The following TTN variants were observed in gnomAD, a reference collection of about 807,000 sequenced individuals.
The protein encoded by TTN is titin, also known as connectin.
In TTN, 1,525 loss-of-function variants were observed where a neutral mutation model predicts 3,223.0. The ratio of observed to expected loss-of-function variants is 0.47; its 90% CI spans 0.45 to 0.49. The LOEUF is 0.49. TTN is among the 20% of genes least tolerant of loss of function. The pLI is 0.00. For missense variants in TTN, 40,786 were observed against 43,424.0 expected, an observed-to-expected ratio of 0.94 and a Z score of 5.40; for synonymous variants, 14,094 against 15,161.0, an observed-to-expected ratio of 0.93 and a Z score of 5.17.
Position 178,693,428 on chromosome 2 carries a change from T to G in TTN, c.31594+181A>C, listed in dbSNP as rs868155077. ...AATGGAGCCTCCCATAATTTTCACT[T>G]TTTTCCCCCTGTGCCTTCCTCATGG... On this transcript the variant is annotated intron_variant, in intron 119 of 362. Coordinates refer to ENST00000589042, the MANE Select transcript of TTN (RefSeq NM_001267550.2). Among the ~76,000 whole-genome samples, 16 of 152,216 alleles carry G rather than the reference T, an allele frequency of 1.1e-4. No individual in the cohort carries two copies. The South Asian group carries it at 2.5e-3, about 24-fold the overall frequency.
At position 178,539,119 on chromosome 2, in the gene TTN, G is replaced by C; in HGVS notation, c.98816C>G (p.Thr32939Arg). ...VTGYYIERKE[T>R]STDKWVRHNK... ...GTGTCTGACCCACTTGTCAGTGGAT[G>C]TCTCTTTGCGTTCGATGTAGTAGCC... Residue 32939 changes from threonine to arginine, a missense_variant, in exon 353 of 363, where the codon ACA (threonine) becomes AGA (arginine). By Grantham distance (71) the Thr-to-Arg change is moderately conservative. Transcript: ENST00000589042. 6.2e-7 allele frequency: 1 copy of C among 1,613,808 alleles called. No individual in the cohort carries two copies. The highest frequency in any genetic ancestry group is 8.5e-7 in the Non-Finnish European group (1 of 1,179,750).
At chr2:178,752,468 GTATA>G (rs887840514) in intron 47 of TTN, among the ~76,000 whole-genome samples, 4 of 152,096 alleles carry the variant, frequency 2.6e-5, no homozygotes, top group African/African-American at 9.6e-5. Context: ...TATTTAAAGA[GTATA>G]TACAAGAACT....
At chr2:178,585,553 C>T (rs958212021) in intron 308 of TTN, among the ~76,000 whole-genome samples, 1 of 151,956 alleles carries the variant, frequency 6.6e-6, no homozygotes, top group African/African-American at 2.4e-5. Flanking sequence ...ATCAACACAT[C>T]GTCTACATTA....
Position 178,732,047 on chromosome 2 carries a change from A to G in TTN, c.16903+19T>C. ...TGGGCCATAACTTTGGCAACACAAG[A>G]GGCAAAGTGAACACAAACCTTTGAC... On this transcript the variant is annotated intron_variant, in intron 57 of 362. Transcript: ENST00000589042. 2.5e-6 allele frequency: 4 copies of G among 1,591,398 alleles called. No individual in the cohort carries two copies. The highest frequency in any genetic ancestry group is 2.6e-6 in the Non-Finnish European group (3 of 1,166,212).
At position 178,621,122 on chromosome 2, in the gene TTN, G is replaced by T; in HGVS notation, c.45596C>A (p.Ala15199Glu). The T allele has an allele frequency of 1.9e-6, 3 of 1,612,450 alleles. No individual in the cohort carries two copies. The highest frequency in any genetic ancestry group is 2.5e-6 in the Non-Finnish European group (3 of 1,179,216). ...YVVMVGAARA[A>E]AHLTVIEKLR... is the part of the protein sequence containing the mutation. The stretch of plus-strand genomic sequence containing the variant: ...CTTACCAATGACTGTCAAGTGAGCT[G>T]CTGCTCTGGCGGCCCCTACCATGAC... The change falls in exon 246 of 363, where the codon GCA (alanine) becomes GAA (glutamate). Residue 15199 changes from alanine to glutamate, a missense_variant. Physicochemically the swap from Ala to Glu is moderately radical, Grantham distance 107 (BLOSUM62 -1). Transcript: ENST00000589042.
At position 178,591,049 on chromosome 2, in the gene TTN, T is replaced by G; in HGVS notation, c.60676A>C (p.Ser20226Arg). 6.2e-7 allele frequency: 1 copy of G among 1,613,472 alleles called. No individual in the cohort carries two copies. ...GGGATTTTCAGCTTTGTCTTACTGC[T>G]TCCGGAAGAGACAACACCCCACGTG... is the stretch of plus-strand genomic sequence containing the variant. ...KDTWGVVSSG[S>R]SKTKLKIPHL... The change falls in exon 304 of 363, where the codon AGC (serine) becomes CGC (arginine). Residue 20226 changes from serine to arginine, a missense_variant. Coordinates refer to ENST00000589042, the MANE Select transcript of TTN (RefSeq NM_001267550.2).
Position 178,766,474 on chromosome 2 carries a change from G to C in TTN, c.9610C>G (p.Arg3204Gly). The C allele has an allele frequency of 1.2e-6, 2 of 1,614,010 alleles. No individual in the cohort carries two copies. The highest frequency in any genetic ancestry group is 1.7e-6 in the Non-Finnish European group (2 of 1,179,960). The change falls in exon 41 of 363, where the codon CGA becomes GGA. Residue 3204 changes from arginine to glycine, a missense_variant. By Grantham distance (125) the Arg-to-Gly change is moderately radical (BLOSUM62 -2). Coordinates refer to ENST00000589042, the MANE Select transcript of TTN (RefSeq NM_001267550.2). ...TGTCTGGTCTCAGAGATAAACATTC[G>C]GTGGATTCTTCTTTCCACTACATAT... ...HKYVVERRIH[R>G]MFISETRQSD... is the part of the protein sequence containing the mutation.
intron 33 of TTN, 192 bp downstream of exon 33, chr2:178,772,917 T>A: frequency 1.5e-6 from 1 of 664,416 alleles, no homozygotes; most frequent in Non-Finnish European, 2.5e-6. Context: ...AAGGTGACGT[T>A]TGAGGTAGGC....
chr2:178,711,332 A>G lies in TTN; in HGVS notation c.27904T>C (p.Ser9302Pro). ...ACATCTCTCAATTGTCGAGAAAATGATGGTGGAAGTTTTTGCTCTGTAGGA... is the reference window on the plus strand; with the variant it reads ...ACATCTCTCAATTGTCGAGAAAATGGTGGTGGAAGTTTTTGCTCTGTAGGA... ...LTVQEQKLPP[S>P]FSRQLRDVQE... The change falls in exon 97 of 363, where the codon TCA becomes CCA. Residue 9302 changes from serine to proline, a missense_variant. Ser to Pro is a moderately conservative substitution (Grantham distance 74). Transcript: ENST00000589042. The G allele has an allele frequency of 6.2e-7, 1 of 1,606,530 alleles. No individual in the cohort carries two copies. Among genetic ancestry groups the G allele is most frequent in the Non-Finnish European group, 8.5e-7 (1 of 1,175,478 alleles).
chr2:178,735,936 G>A lies in TTN; in HGVS notation c.14510C>T (p.Pro4837Leu). 5 of 1,613,878 alleles carry A rather than the reference G, an allele frequency of 3.1e-6. No homozygotes were observed. Among genetic ancestry groups the A allele is most frequent in the Non-Finnish European group, 4.2e-6 (5 of 1,179,822 alleles). The change falls in exon 50 of 363, where the codon CCT (proline) becomes CTT (leucine). Residue 4837 changes from proline to leucine, a missense_variant. Transcript: ENST00000589042. ...IWQKDGAALS[P>L]SPNWRISDAE... ...GTCGGAAATCCTCCAGTTAGGTGAAGGTGAGAGTGCAGCACCATCTTTCTG... is the reference window on the plus strand; with the variant it reads ...GTCGGAAATCCTCCAGTTAGGTGAAAGTGAGAGTGCAGCACCATCTTTCTG...
Position 178,568,490 on chromosome 2 carries a change from G to A in TTN, c.77642C>T (p.Ala25881Val). 6.2e-7 allele frequency: 1 copy of A among 1,613,388 alleles called. No homozygotes were observed. The highest frequency in any genetic ancestry group is 8.5e-7 in the Non-Finnish European group (1 of 1,179,574). ...ATCTAGAGTTACAATTTCGATGGAT[G>A]CTGTCTTCTGACCAACAACATTGGC... ...TVANVVGQKT[A>V]SIEIVTLDKP... is the part of the protein sequence containing the mutation. The change falls in exon 326 of 363, where the codon GCA becomes GTA. Residue 25881 changes from alanine to valine, a missense_variant. Ala to Val is a moderately conservative substitution (Grantham distance 64). Coordinates refer to ENST00000589042, the MANE Select transcript of TTN (RefSeq NM_001267550.2).
At chr2:178,559,081 T>G in intron 326 of TTN, 1 of 378,832 alleles carries the variant, frequency 2.6e-6, no homozygotes, top group Non-Finnish European at 4.7e-6. Context: ...TCAATAATAC[T>G]TAAATTCAAC....
rs769940393 is a variant in TTN, at chr2:178,527,767, A to G, written c.107378-19T>C. The G allele has an allele frequency of 5.8e-6, 9 of 1,545,882 alleles. No individual in the cohort carries two copies. The South Asian group carries it at 1.1e-4, about 19-fold the overall frequency. ...ACTAGAGCTGTGGAGCATAGCAGAT[A>G]CACAGTGAACATCAATGACATCTGG... is the stretch of plus-strand genomic sequence containing the variant. On this transcript the variant is annotated intron_variant, in intron 361 of 362. Transcript: ENST00000589042.
Position 178,582,208 on chromosome 2 carries a change from T to C in TTN, c.66161A>G (p.Asp22054Gly). 6 of 1,589,892 alleles carry C rather than the reference T, an allele frequency of 3.8e-6. No homozygotes were observed. The highest frequency in any genetic ancestry group is 1.2e-5 in the South Asian group (1 of 85,706). Residue 22054 changes from aspartate to glycine, a missense_variant and splice_region_variant, in exon 315 of 363, where the codon GAC becomes GGC. Asp to Gly is a moderately conservative substitution (Grantham distance 94). Transcript: ENST00000589042. ...AGGAGGATCACAGCGTCCTGGTGGGTCTGCAGAAATTGATTGAAAAGTTAA... is the reference window on the plus strand; with the variant it reads ...AGGAGGATCACAGCGTCCTGGTGGGCCTGCAGAAATTGATTGAAAAGTTAA... ...TEPAIAKNPY[D>G]PPGRCDPPVI...
chr2:178,650,071 A>T, intron 210 of TTN, 93 bp downstream of exon 210: 3 of 1,323,766 alleles, frequency 2.3e-6, no homozygotes, highest in Non-Finnish European at 3.1e-6. Flanking sequence ...TCAGGCAACA[A>T]GATACAAGAC....
rs1255750003 is a variant in TTN at position 178,679,621 on chromosome 2, C to T, written c.33642G>A (p.Lys11214=). The T allele has an allele frequency of 3.1e-6, 5 of 1,611,644 alleles. No individual in the cohort carries two copies. The African/African-American group carries it at 4.0e-5, about 13-fold the overall frequency. Residue 11214 remains lysine, a synonymous_variant, in exon 141 of 363, where the codon AAG becomes AAA. Coordinates refer to ENST00000589042, the MANE Select transcript of TTN (RefSeq NM_001267550.2). ...EEKKPVPVPK[K]KEAPPAKVPE... The stretch of plus-strand genomic sequence containing the variant: ...TACCTTTTGCCGGTGGAGCTTCCTT[C>T]TTCTTGGGAACAGGAACAGGTTTCT...
At chr2:178,749,189 C>A in intron 47 of TTN, 4 of 1,611,198 alleles carry the variant, frequency 2.5e-6, no homozygotes, top group Non-Finnish European at 3.4e-6. Context: ...CTTTTCTGAT[C>A]TACCAAGTTT....
Position 178,592,099 on chromosome 2 carries a change from A to G in TTN, c.59805T>C (p.Ser19935=). 9 of 1,612,246 alleles carry G rather than the reference A, an allele frequency of 5.6e-6. No homozygotes were observed. The highest frequency in any genetic ancestry group is 7.6e-6 in the Non-Finnish European group (9 of 1,179,352). The change falls in exon 302 of 363, where the codon AGT becomes AGC. Residue 19935 remains serine (S), a synonymous_variant. Transcript: ENST00000589042. ...SPLSATSKKK[S]HFAKHLNEGN... Reference sequence around the variant, plus strand: ...CTTCATTCAGATGCTTAGCGAAGTGACTCTTTTTCTTTGATGTAGCTGAGA... The same window carrying G: ...CTTCATTCAGATGCTTAGCGAAGTGGCTCTTTTTCTTTGATGTAGCTGAGA...
At chr2:178,734,675 A>G in intron 51 of TTN, 32 bp downstream of exon 51, 2 of 1,578,818 alleles carry the variant, frequency 1.3e-6, no homozygotes, top group Non-Finnish European at 1.7e-6. Context: ...CTTTTCTCAG[A>G]AAAATACTGG....
Sources: gnomAD v4.1 joint callset for allele counts (sites outside exome capture counted in the v4.1 genomes callset) on GRCh38, gnomAD v4.1.1 for gene constraint, MANE v1.5 for transcripts, NCBI Gene and HGNC (gene_info 2026-07-23, HGNC 2026-07-21) for gene names.